Variants in TMEM163 observed in about 807,000 individuals in gnomAD.
The protein encoded by TMEM163 is transmembrane protein 163.
A neutral mutation model predicts 29.3 loss-of-function variants in TMEM163; 17 were observed. The observed-to-expected ratio is 0.58, with a 90% CI of 0.40 to 0.87. TMEM163 has a LOEUF of 0.87. Among genes scored for constraint, TMEM163 ranks in the 40% least tolerant of loss-of-function variants. The pLI is 0.00. For missense variants in TMEM163, 303 were observed against 381.5 expected (o/e 0.79, Z 1.71); for synonymous variants, 157 against 160.6 (o/e 0.98, Z 0.17).
At chr2:134,468,198 G>T (rs538930510) in intron 5 of TMEM163, 3 of 152,278 alleles carry the variant, frequency 2.0e-5, no homozygotes, top group African/African-American at 7.2e-5. Context: ...GTATGAGGAG[G>T]TGGGGCCTCT....
At position 134,460,763 on chromosome 2, in the gene TMEM163, G is replaced by C. The variant is rs554381688; in HGVS notation, c.668-2590C>G. 6.6e-6 allele frequency among the ~76,000 whole-genome samples: 1 copy of C among 152,146 alleles called. No homozygotes were observed. Among genetic ancestry groups the C allele is most frequent in the African/African-American group, 2.4e-5 (1 of 41,434 alleles). ...CGCTCTGCCAGCCAGCACCAAGGCC[G>C]GCCCAGCTTGCTATTCCTGACAGCA... On this transcript the variant is annotated intron_variant, in intron 6 of 7. Coordinates refer to ENST00000281924, the MANE Select transcript of TMEM163 (RefSeq NM_030923.5). The surrounding 1 kb of genome is among the most constrained non-coding windows in gnomAD (Gnocchi z 4.3).
At chr2:134,673,610 C>A (rs1443713186) in intron 2 of TMEM163, among the ~76,000 whole-genome samples, 1 of 152,174 alleles carries the variant, frequency 6.6e-6, no homozygotes, top group Non-Finnish European at 1.5e-5. Context: ...CCAACATAAT[C>A]ACAGGGACCT....
intron 2 of TMEM163, among the ~76,000 whole-genome samples, chr2:134,700,359 T>C (rs984579744): frequency 6.6e-6 from 1 of 152,346 alleles, no homozygotes; most frequent in Admixed American, 6.5e-5. Flanking sequence ...TATTGGAGCT[T>C]ATCCTATCCT....
intron 2 of TMEM163, among the ~76,000 whole-genome samples, chr2:134,688,259 C>T (rs1574340154): frequency 6.6e-6 from 1 of 152,282 alleles, no homozygotes; most frequent in East Asian, 1.9e-4. Flanking sequence ...AAATAAGTTT[C>T]TTCCAGCCTC....
Position 134,656,514 on chromosome 2 carries a change from C to G in TMEM163, c.322+56686G>C, listed in dbSNP as rs547673667. ...TGCAGAAATCACCCGTCTTCTGCGT[C>G]GCTCACGCTGGGAGCTGTAGACCGG... On this transcript the variant is annotated intron_variant, in intron 2 of 7. Coordinates refer to ENST00000281924, the MANE Select transcript of TMEM163 (RefSeq NM_030923.5). Among the ~76,000 whole-genome samples the G allele has an allele frequency of 6.0e-4, 91 of 152,332 alleles. 2 individuals are homozygous for G. In the East Asian group the frequency reaches 0.012, roughly 20 times the overall value.
chr2:134,500,355 C>T (rs952174426), intron 5 of TMEM163, among the ~76,000 whole-genome samples: 5 of 152,230 alleles, frequency 3.3e-5, no homozygotes, highest in East Asian at 1.9e-4. Context: ...GAGACAGACA[C>T]GGTCAGCTGC....
chr2:134,674,702 G>T (rs1194710059), intron 2 of TMEM163, among the ~76,000 whole-genome samples: 1 of 151,918 alleles, frequency 6.6e-6, no homozygotes, highest in African/African-American at 2.4e-5. Flanking sequence ...TAGAGCCAAA[G>T]AAGGCCATGA....
intron 2 of TMEM163, among the ~76,000 whole-genome samples, chr2:134,700,821 C>G (rs1574349666): frequency 6.6e-6 from 1 of 151,864 alleles, no homozygotes; most frequent in Non-Finnish European, 1.5e-5. Context: ...ATTGTTTGAA[C>G]CCAGGAGGCA....
chr2:134,536,764 AC>A (rs1305104442), intron 4 of TMEM163, among the ~76,000 whole-genome samples: 1 of 152,082 alleles, frequency 6.6e-6, no homozygotes, highest in Admixed American at 6.5e-5. Flanking sequence ...TAGGTCAAAA[AC>A]CTGTCAGATT....
At chr2:134,601,945 G>C (rs1353951749) in intron 2 of TMEM163, among the ~76,000 whole-genome samples, 4 of 152,128 alleles carry the variant, frequency 2.6e-5, no homozygotes, top group Non-Finnish European at 5.9e-5. Flanking sequence ...GATACCTGGG[G>C]GAAGAGCATT....
intron 2 of TMEM163, among the ~76,000 whole-genome samples, chr2:134,687,028 A>C (rs1020222565): frequency 2.6e-5 from 4 of 152,230 alleles, no homozygotes; most frequent in Non-Finnish European, 5.9e-5. Flanking sequence ...TCTATCTTCC[A>C]AAGCTATAAG....
intron 2 of TMEM163, among the ~76,000 whole-genome samples, chr2:134,631,130 A>G (rs1165322781): frequency 1.3e-5 from 2 of 152,222 alleles, no homozygotes; most frequent in Admixed American, 1.3e-4. Flanking sequence ...CTTCTAATAA[A>G]AAGGAAAACG....
intron 5 of TMEM163, among the ~76,000 whole-genome samples, chr2:134,500,049 A>C (rs542714538): frequency 1.3e-5 from 2 of 152,338 alleles, no homozygotes; most frequent in South Asian, 4.1e-4. Flanking sequence ...TTTAACACTC[A>C]GAAGACATGA....
Position 134,550,677 on chromosome 2 carries a change from A to G in TMEM163, c.367-16T>C, listed in dbSNP as rs139635635. 10,628 of 1,612,956 alleles carry G rather than the reference A, an allele frequency of 6.6e-3. 66 individuals carry two copies. The highest frequency in any genetic ancestry group is 0.014 in the South Asian group (1,239 of 91,052). ...TGGCATCAAACTAGGAGAAGGAGACATGGCATTAGAGGCTTTCCACAGTTA... is the reference window on the plus strand; with the variant it reads ...TGGCATCAAACTAGGAGAAGGAGACGTGGCATTAGAGGCTTTCCACAGTTA... On this transcript the variant is annotated splice_polypyrimidine_tract_variant and intron_variant, in intron 3 of 7. Coordinates refer to ENST00000281924, the MANE Select transcript of TMEM163 (RefSeq NM_030923.5).
intron 2 of TMEM163, among the ~76,000 whole-genome samples, chr2:134,569,984 C>T (rs1681383949): frequency 6.6e-6 from 1 of 152,092 alleles, no homozygotes; most frequent in Admixed American, 6.5e-5. Flanking sequence ...ACTTATTAGC[C>T]CCTGGGTAAT....
chr2:134,704,477 T>C (rs1684764776), intron 2 of TMEM163, among the ~76,000 whole-genome samples: 1 of 152,162 alleles, frequency 6.6e-6, no homozygotes, highest in African/African-American at 2.4e-5. Context: ...CAGGTCCGTG[T>C]GGGACAAGCC....
At chr2:134,551,662 C>T (rs1168957427) in intron 3 of TMEM163, among the ~76,000 whole-genome samples, 2 of 152,328 alleles carry the variant, frequency 1.3e-5, no homozygotes, top group South Asian at 2.1e-4. Flanking sequence ...TAGCTGGCTA[C>T]AGACTGACTC....
chr2:134,568,251 G>A (rs187111023), intron 2 of TMEM163, among the ~76,000 whole-genome samples: 25 of 152,174 alleles, frequency 1.6e-4, no homozygotes, highest in Non-Finnish European at 3.1e-4. Flanking sequence ...AAGGCAGGGC[G>A]TGGTGGCTCA....
At chr2:134,472,156 T>C (rs1686817420) in intron 5 of TMEM163, among the ~76,000 whole-genome samples, 1 of 152,194 alleles carries the variant, frequency 6.6e-6, no homozygotes, top group Admixed American at 6.5e-5. Context: ...TCCTTCAACA[T>C]CTTGTAGTAG....
Sources: allele counts gnomAD v4.1 joint callset (sites outside exome capture counted in the v4.1 genomes callset), GRCh38; gene constraint gnomAD v4.1.1; non-coding constraint Gnocchi (gnomAD v3.1); transcripts MANE v1.5; gene names NCBI Gene and HGNC (gene_info 2026-07-23, HGNC 2026-07-21).